PLCB1: variants seen among roughly 807,000 people sequenced by gnomAD.
PLCB1 encodes 1-phosphatidylinositol 4,5-bisphosphate phosphodiesterase beta-1.
A neutral mutation model predicts 161.8 loss-of-function variants in PLCB1; 46 were observed. The ratio of observed to expected loss-of-function variants is 0.28; its 90% confidence interval spans 0.22 to 0.36. The LOEUF is 0.36. Ranked by LOEUF, PLCB1 falls within the 10% of genes least tolerant of loss-of-function variation. The pLI, the probability that PLCB1 is intolerant of heterozygous loss-of-function variation, is 1.00. For missense variants in PLCB1, 1,016 were observed against 1,472.5 expected (o/e 0.69, Z 5.07); for synonymous variants, 517 against 503.7 (o/e 1.03, Z -0.35).
chr20:8,143,573 G>C (rs1313050012), intron 1 of PLCB1, among the ~76,000 whole-genome samples: 1 of 152,186 alleles, frequency 6.6e-6, no homozygotes, highest in East Asian at 1.9e-4. Context: ...AGGAAAAAAA[G>C]TACAAGTGAG....
intron 3 of PLCB1, among the ~76,000 whole-genome samples, chr20:8,449,599 C>T (rs1249375788): frequency 6.6e-6 from 1 of 152,158 alleles, no homozygotes; most frequent in African/African-American, 2.4e-5. Context: ...CCCTCATTGT[C>T]CCGAAGGAGA....
intron 2 of PLCB1, among the ~76,000 whole-genome samples, chr20:8,235,020 G>A (rs1980247675): frequency 6.6e-6 from 1 of 152,058 alleles, no homozygotes; most frequent in African/African-American, 2.4e-5. Flanking sequence ...ATTTTTACAT[G>A]TTATGTCTCC....
At chr20:8,410,869 A>T (rs150231862) in intron 3 of PLCB1, among the ~76,000 whole-genome samples, 209 of 152,300 alleles carry the variant, frequency 1.4e-3, no homozygotes, top group Middle Eastern at 3.4e-3. Flanking sequence ...TGACACAGAC[A>T]GAGGAGGAGG....
chr20:8,427,694 G>C (rs1979846874), intron 3 of PLCB1, among the ~76,000 whole-genome samples: 1 of 152,134 alleles, frequency 6.6e-6, no homozygotes, highest in Non-Finnish European at 1.5e-5. Context: ...CTGGAAATTT[G>C]GGATTCTTGA....
intron 27 of PLCB1, among the ~76,000 whole-genome samples, chr20:8,785,442 G>A (rs1203189882): frequency 6.6e-6 from 1 of 152,170 alleles, no homozygotes. Flanking sequence ...AGAGTTTCTA[G>A]AACAGTGCCT....
intron 2 of PLCB1, among the ~76,000 whole-genome samples, chr20:8,228,925 T>G (rs6140559): frequency 0.61 from 93,099 of 151,794 alleles, 29,501 homozygotes; most frequent in East Asian, 0.75. Flanking sequence ...TATATATATT[T>G]GAAAATATAT....
chr20:8,207,241 G>A (rs1978582117), intron 2 of PLCB1, among the ~76,000 whole-genome samples: 1 of 152,174 alleles, frequency 6.6e-6, no homozygotes, highest in South Asian at 2.1e-4. Flanking sequence ...GGAAGAAAGT[G>A]CAAGATTACT....
chr20:8,562,630 C>G (rs1986178318), intron 3 of PLCB1, among the ~76,000 whole-genome samples: 3 of 152,066 alleles, frequency 2.0e-5, no homozygotes, highest in Non-Finnish European at 4.4e-5. Context: ...AAACAGTACA[C>G]TGGCGCTCCT....
In PLCB1 at chr20:8,225,863, G is replaced by C. The variant is rs373310407; in HGVS notation, c.177+75492G>C. 1.2e-3 allele frequency among the ~76,000 whole-genome samples: 183 copies of C among 152,304 alleles called. 1 individual carries two copies. Among genetic ancestry groups the C allele is most frequent in the African/African-American group, 3.8e-3 (156 of 41,578 alleles). On this transcript the variant is annotated intron_variant, in intron 2 of 31. Transcript: ENST00000338037. The stretch of plus-strand genomic sequence containing the variant: ...TTGTTTAAATGATTTTTCATTTCAA[G>C]TTTATCTTTGTTTAAGCTGACCACA...
intron 3 of PLCB1, among the ~76,000 whole-genome samples, chr20:8,565,349 T>C (rs1986294695): frequency 6.6e-6 from 1 of 151,314 alleles, no homozygotes; most frequent in South Asian, 2.1e-4. Flanking sequence ...GGTTGGGGGG[T>C]TAGGGCATGG....
rs532189491 is a variant in PLCB1, at chr20:8,884,755, T to G, written c.*2906T>G. ...AGCTCTTAAAATGTACATATTTTGGTTCTTCTATCTCAAATTATTTAAAAT... is the reference window on the plus strand; with the variant it reads ...AGCTCTTAAAATGTACATATTTTGGGTCTTCTATCTCAAATTATTTAAAAT... On this transcript the variant is annotated 3_prime_UTR_variant, in exon 32 of 32. Coordinates refer to ENST00000338037, the MANE Select transcript of PLCB1 (RefSeq NM_015192.4). 2 of 152,778 alleles carry G rather than the reference T, an allele frequency of 1.3e-5. No individual in the cohort carries two copies. The highest frequency in any genetic ancestry group is 2.4e-5 in the African/African-American group (1 of 41,588). 9.5% of individuals were successfully genotyped at this position (152,778 alleles called of 1,614,324 possible).
intron 2 of PLCB1, among the ~76,000 whole-genome samples, chr20:8,342,957 A>G (rs1322455428): frequency 6.6e-6 from 1 of 152,172 alleles, no homozygotes; most frequent in Non-Finnish European, 1.5e-5. Context: ...TCCCATCCAC[A>G]TGGATATCCA....
chr20:8,541,588 G>GAAAGAAAGAAAGAAAGAAAA (rs1568500368), intron 3 of PLCB1, among the ~76,000 whole-genome samples: 1 of 150,632 alleles, frequency 6.6e-6, no homozygotes, highest in Non-Finnish European at 1.5e-5. Context: ...AAGAAAGAAA[G>GAAAGAAAGAAAGAAAGAAAA]AAAGAAAGAA....
intron 3 of PLCB1, among the ~76,000 whole-genome samples, chr20:8,387,976 T>TA (rs1568657457): frequency 2.6e-4 from 33 of 128,774 alleles, no homozygotes; most frequent in South Asian, 6.8e-4. Flanking sequence ...ACCACTTTTT[T>TA]TAAAAAAAAA....
At chr20:8,806,244 C>T in intron 31 of PLCB1, among the ~76,000 whole-genome samples, 1 of 152,002 alleles carries the variant, frequency 6.6e-6, no homozygotes, top group East Asian at 1.9e-4. Context: ...GAGAGGTGGG[C>T]AGCTGTTTTC....
intron 31 of PLCB1, among the ~76,000 whole-genome samples, chr20:8,828,938 C>G (rs1412076783): frequency 6.6e-6 from 1 of 152,102 alleles, no homozygotes; most frequent in Non-Finnish European, 1.5e-5. Context: ...CTTCTTAATC[C>G]TCATGAATCC....
intron 10 of PLCB1, among the ~76,000 whole-genome samples, chr20:8,693,654 A>C (rs1990527951): frequency 6.6e-6 from 1 of 152,248 alleles, no homozygotes. Context: ...AAGGGAAGAC[A>C]ATAATGATAA....
Position 8,668,903 on chromosome 20 carries a change from A to G in PLCB1, c.862+10199A>G, listed in dbSNP as rs1373057112. On this transcript the variant is annotated intron_variant, in intron 9 of 31. Transcript: ENST00000338037. ...TTTAACAAGAATCTCCAGCATATCA[A>G]AAAAGAGATCCTTCAAAGTACCTGA... Among the ~76,000 whole-genome samples the G allele has an allele frequency of 2.0e-5, 3 of 152,356 alleles. No individual in the cohort carries two copies. In the East Asian group the frequency reaches 5.8e-4, roughly 29 times the overall value.
chr20:8,549,847 C>T (rs1985709198), intron 3 of PLCB1, among the ~76,000 whole-genome samples: 1 of 152,212 alleles, frequency 6.6e-6, no homozygotes, highest in Admixed American at 6.5e-5. Flanking sequence ...GCTGAGATTA[C>T]AGGCATGAGC....
Sources: allele counts gnomAD v4.1 joint callset (sites outside exome capture counted in the v4.1 genomes callset), GRCh38; gene constraint gnomAD v4.1.1; transcripts MANE v1.5; gene names NCBI Gene and HGNC (gene_info 2026-07-23, HGNC 2026-07-21).